Variants in ROR1 observed in about 807,000 individuals in gnomAD.
ROR1 encodes the protein inactive tyrosine-protein kinase transmembrane receptor ROR1.
ROR1 carries 19 observed loss-of-function variants against 78.8 expected under a neutral mutation model. That is an observed-to-expected ratio of 0.24 (90% CI 0.17 to 0.35). ROR1 has a LOEUF of 0.35. Ranked by LOEUF, ROR1 falls within the 10% of genes least tolerant of loss-of-function variation. The pLI is 1.00. For synonymous variants in ROR1, 386 were observed against 433.6 expected, an observed-to-expected ratio of 0.89 and a Z score of 1.36; for missense variants, 917 against 1,177.8, an observed-to-expected ratio of 0.78 and a Z score of 3.24.
chr1:63,915,818 G>A (rs927795988), intron 1 of ROR1, among the ~76,000 whole-genome samples: 3 of 152,042 alleles, frequency 2.0e-5, no homozygotes, highest in Non-Finnish European at 4.4e-5. Context: ...GGCACTTGGT[G>A]CTCCCTGAAC....
Position 64,031,708 on chromosome 1 carries a change from G to A in ROR1, c.164-17983G>A, listed in dbSNP as rs77129334. On this transcript the variant is annotated intron_variant, in intron 2 of 8. Transcript: ENST00000371079. Reference sequence around the variant, plus strand: ...CAACAGAATTGGATCTTAGAATCCTGGAGCTGGTGTATGTGTGACTTCAGA... The same window carrying A: ...CAACAGAATTGGATCTTAGAATCCTAGAGCTGGTGTATGTGTGACTTCAGA... Among the ~76,000 whole-genome samples the A allele has an allele frequency of 1.7e-3, 252 of 152,298 alleles. 1 individual carries two copies. The highest frequency in any genetic ancestry group is 5.9e-3 in the African/African-American group (246 of 41,560).
chr1:64,055,811 AT>A (rs930832879), intron 4 of ROR1, among the ~76,000 whole-genome samples: 1 of 152,122 alleles, frequency 6.6e-6, no homozygotes, highest in African/African-American at 2.4e-5. Context: ...CTACTATCTT[AT>A]TTTAGAACAT....
chr1:63,856,504 GCT>G (rs1255794690), intron 1 of ROR1, among the ~76,000 whole-genome samples: 1 of 152,140 alleles, frequency 6.6e-6, no homozygotes, highest in African/African-American at 2.4e-5. Context: ...ATTCTCTGTG[GCT>G]CTTTCTGCAG....
At chr1:63,806,476 C>A (rs1376550852) in intron 1 of ROR1, among the ~76,000 whole-genome samples, 4 of 152,110 alleles carry the variant, frequency 2.6e-5, no homozygotes, top group Admixed American at 1.3e-4. Context: ...CGCCACCACG[C>A]CCTGCTAATT....
intron 6 of ROR1, among the ~76,000 whole-genome samples, chr1:64,141,762 G>C (rs1476760323): frequency 6.6e-6 from 1 of 152,062 alleles, no homozygotes; most frequent in African/African-American, 2.4e-5. Context: ...TTAACACATG[G>C]TAAGGGCTCA....
intron 1 of ROR1, among the ~76,000 whole-genome samples, chr1:63,924,932 C>CTTTTTTT (rs751680204): frequency 1.2e-5 from 1 of 85,032 alleles, no homozygotes; most frequent in African/African-American, 3.9e-5. Context: ...AAAGGGGATG[C>CTTTTTTT]TTTTTTTTTT....
intron 4 of ROR1, chr1:64,106,234 C>T (rs1245076706): frequency 1.3e-5 from 2 of 151,518 alleles, no homozygotes; most frequent in Non-Finnish European, 2.9e-5. Flanking sequence ...GTGAATGGGA[C>T]TTCATTCATG....
rs1007623956 is a variant in ROR1 at position 63,981,730 on chromosome 1, C to T, written c.92-27575C>T. On this transcript the variant is annotated intron_variant, in intron 1 of 8. Transcript: ENST00000371079. Reference sequence around the variant, plus strand: ...GGAGAAGAAGGATGGCCTGGCCTAGCGGTTTAAGTTTGCTCCTAGAGAGCA... The same window carrying T: ...GGAGAAGAAGGATGGCCTGGCCTAGTGGTTTAAGTTTGCTCCTAGAGAGCA... 2.6e-5 allele frequency among the ~76,000 whole-genome samples: 4 copies of T among 151,938 alleles called. No individual in the cohort carries two copies. In the East Asian group the frequency reaches 5.9e-4, roughly 22 times the overall value.
At chr1:63,948,891 A>T (rs181113154) in intron 1 of ROR1, among the ~76,000 whole-genome samples, 40 of 152,324 alleles carry the variant, frequency 2.6e-4, no homozygotes, top group African/African-American at 9.4e-4. Flanking sequence ...CCCAGGCTCC[A>T]AAACTGTGAG....
intron 1 of ROR1, among the ~76,000 whole-genome samples, chr1:63,873,209 C>T (rs927132763): frequency 1.3e-5 from 2 of 152,118 alleles, no homozygotes; most frequent in African/African-American, 4.8e-5. Context: ...GAGACACGTA[C>T]CTTCCACTGA....
chr1:64,105,410 G>C (rs980161110), intron 4 of ROR1: 1 of 152,132 alleles, frequency 6.6e-6, no homozygotes, highest in Non-Finnish European at 1.5e-5. Flanking sequence ...TAGGTTGCCT[G>C]TTCACTCTGA....
intron 2 of ROR1, among the ~76,000 whole-genome samples, chr1:64,019,345 G>A (rs1310888634): frequency 6.6e-6 from 1 of 152,168 alleles, no homozygotes; most frequent in Admixed American, 6.5e-5. Context: ...AAGCTCTGTG[G>A]CTAACTCCAG....
chr1:64,142,398 T>C lies in ROR1; in HGVS notation c.929-7T>C, dbSNP rs760104769. 19 of 1,613,332 alleles carry C rather than the reference T, an allele frequency of 1.2e-5. No homozygotes were observed. The East Asian group carries it at 4.2e-4, about 36-fold the overall frequency. The stretch of plus-strand genomic sequence containing the variant: ...TCTAATTGTTTGGGTTTTTGTGTGT[T>C]TTTCAGATCACAAGTGTTATAACAG... On this transcript the variant is annotated splice_region_variant and splice_polypyrimidine_tract_variant and intron_variant, in intron 6 of 8. Transcript: ENST00000371079.
chr1:63,926,161 G>A (rs1363919130), intron 1 of ROR1, among the ~76,000 whole-genome samples: 3 of 151,568 alleles, frequency 2.0e-5, no homozygotes, highest in Non-Finnish European at 2.9e-5. Context: ...TAACGTTTAA[G>A]TCTTTAATCC....
intron 1 of ROR1, among the ~76,000 whole-genome samples, chr1:63,866,501 A>G (rs940213610): frequency 1.3e-5 from 2 of 152,148 alleles, no homozygotes; most frequent in African/African-American, 4.8e-5. Context: ...CAAGAGCTCT[A>G]CTTTTCCTAC....
chr1:63,861,480 C>T (rs962580425), intron 1 of ROR1, among the ~76,000 whole-genome samples: 2 of 152,160 alleles, frequency 1.3e-5, no homozygotes, highest in Non-Finnish European at 1.5e-5. Context: ...AAGGCCAGAA[C>T]ACCAGGTTTG....
chr1:63,823,002 T>C (rs1644932071), intron 1 of ROR1, among the ~76,000 whole-genome samples: 1 of 152,036 alleles, frequency 6.6e-6, no homozygotes, highest in East Asian at 1.9e-4. Context: ...TGTTTACACA[T>C]AACTGATGCC....
intron 4 of ROR1, among the ~76,000 whole-genome samples, chr1:64,056,782 T>C (rs1184699276): frequency 6.6e-6 from 1 of 152,212 alleles, no homozygotes; most frequent in Non-Finnish European, 1.5e-5. Context: ...ATGTTGAGCA[T>C]CTTTTCATGT....
chr1:64,090,938 T>A (rs1010550625), intron 4 of ROR1, among the ~76,000 whole-genome samples: 3 of 152,218 alleles, frequency 2.0e-5, no homozygotes, highest in Non-Finnish European at 4.4e-5. Flanking sequence ...GGACATTTTT[T>A]AATGTATAAT....
Sources: gnomAD v4.1 joint callset for allele counts (sites outside exome capture counted in the v4.1 genomes callset) on GRCh38, gnomAD v4.1.1 for gene constraint, MANE v1.5 for transcripts, NCBI Gene and HGNC (gene_info 2026-07-23, HGNC 2026-07-21) for gene names.